The following IMPA1 variants were observed in gnomAD, a reference collection of about 807,000 sequenced individuals.
IMPA1 encodes the protein D-galactose 1-phosphate phosphatase.
IMPA1 carries 21 observed loss-of-function variants against 34.9 expected under a neutral mutation model. The observed-to-expected ratio is 0.60, with a 90% CI of 0.43 to 0.87. IMPA1 has a LOEUF of 0.87. Ranked by LOEUF, IMPA1 falls within the 40% of genes least tolerant of loss-of-function variation. The probability of loss-of-function intolerance (pLI) is 0.00; values close to 1 mark genes in which losing one functional copy is unlikely to be tolerated. For synonymous variants in IMPA1, 95 were observed against 104.4 expected (o/e 0.91, Z 0.55); for missense variants, 299 against 336.4 (o/e 0.89, Z 0.87).
chr8:81,681,435 C>A, intron 2 of IMPA1, 63 bp downstream of exon 2: 1 of 912,844 alleles, frequency 1.1e-6, no homozygotes, highest in Non-Finnish European at 1.8e-6. Context: ...AACAAGGCAA[C>A]AACACAGTAT....
At chr8:81,684,852 T>C (rs1378912102) in intron 1 of IMPA1, among the ~76,000 whole-genome samples, 3 of 138,796 alleles carry the variant, frequency 2.2e-5, no homozygotes, top group Admixed American at 1.5e-4. Flanking sequence ...GTAGTATATA[T>C]ACTATACATA....
At chr8:81,676,190 TGA>T in intron 5 of IMPA1, 42 bp downstream of exon 5, 1 of 855,128 alleles carries the variant, frequency 1.2e-6, no homozygotes. Context: ...TCTCAGAAAA[TGA>T]GAGCAAGGCA....
rs758870458 is a variant in IMPA1, at chr8:81,670,943, G to C, written c.562C>G (p.His188Asp). The change falls in exon 7 of 9, where the codon CAT (histidine) becomes GAT (aspartate). Residue 188 changes from histidine (H) to aspartate (D), a missense_variant. Coordinates refer to ENST00000256108, the MANE Select transcript of IMPA1 (RefSeq NM_005536.4). Reference protein sequence around the residue: ...NMEKLFCIPVHGIRSVGTAAV... With the variant: ...NMEKLFCIPVDGIRSVGTAAV... ...GAATAATGGTAAAGAGCTTACCCAT[G>C]AACAGGAATGCAAAAAAGCTTTTCC... The C allele has an allele frequency of 6.7e-7, 1 of 1,481,506 alleles. No individual in the cohort carries two copies. Among genetic ancestry groups the C allele is most frequent in the South Asian group, 1.3e-5 (1 of 75,474 alleles). 91.8% of individuals were successfully genotyped at this position (1,481,506 alleles called of 1,614,324 possible).
At chr8:81,671,912 A>G (rs1222397400) in intron 6 of IMPA1, among the ~76,000 whole-genome samples, 1 of 152,176 alleles carries the variant, frequency 6.6e-6, no homozygotes, top group Non-Finnish European at 1.5e-5. Context: ...GAAAAAAAAT[A>G]AAAGTTACAT....
At chr8:81,677,952 TATC>T (rs1338837865) in intron 4 of IMPA1, among the ~76,000 whole-genome samples, 2 of 152,190 alleles carry the variant, frequency 1.3e-5, no homozygotes, top group South Asian at 2.1e-4. Context: ...CTTCTAGTAA[TATC>T]ATATACCTAC....
rs1585885001 is a variant in IMPA1 at position 81,657,771 on chromosome 8, C to T, written c.*1580G>A. Among the ~76,000 whole-genome samples, 1 of 152,052 alleles carries T rather than the reference C, an allele frequency of 6.6e-6. No homozygotes were observed. The highest frequency in any genetic ancestry group is 1.9e-4 in the East Asian group (1 of 5,168). ...TTAAAACATTAGTAGGGCATGGTGG[C>T]ATGAACTTATAGTCCCAGCTACTCA... On this transcript the variant is annotated 3_prime_UTR_variant, in exon 9 of 9. Transcript: ENST00000256108.
intron 1 of IMPA1, among the ~76,000 whole-genome samples, chr8:81,682,163 T>G (rs1036136734): frequency 1.3e-5 from 2 of 151,546 alleles, no homozygotes; most frequent in East Asian, 3.9e-4. Context: ...CCAAAAAAAA[T>G]AAGAAAAAAG....
intron 7 of IMPA1, among the ~76,000 whole-genome samples, chr8:81,670,249 CAGTA>C (rs1449457653): frequency 1.3e-5 from 2 of 151,186 alleles, no homozygotes; most frequent in Admixed American, 6.6e-5. Context: ...ATAATGAAAA[CAGTA>C]AGTATCAGTA....
intron 7 of IMPA1, among the ~76,000 whole-genome samples, chr8:81,667,119 G>A (rs1424481227): frequency 6.6e-6 from 1 of 151,800 alleles, no homozygotes; most frequent in Non-Finnish European, 1.5e-5. Context: ...ATAAGACAGG[G>A]CAAATAGACA....
At chr8:81,671,968 A>G (rs1420435327) in intron 6 of IMPA1, among the ~76,000 whole-genome samples, 3 of 152,226 alleles carry the variant, frequency 2.0e-5, no homozygotes. Context: ...AAAGGAAAAG[A>G]GTTGTTTCTA....
At position 81,674,022 on chromosome 8, in the gene IMPA1, G is replaced by C. The variant is rs191162314; in HGVS notation, c.349-73C>G. On this transcript the variant is annotated intron_variant, in intron 5 of 8. Coordinates refer to ENST00000256108, the MANE Select transcript of IMPA1 (RefSeq NM_005536.4). ...CCACTTTTTTCTAAGAAAATAACAAGACAATCTGGTATACTGACTAGTAAC... is the reference window on the plus strand; with the variant it reads ...CCACTTTTTTCTAAGAAAATAACAACACAATCTGGTATACTGACTAGTAAC... The C allele has an allele frequency of 4.8e-5, 43 of 887,220 alleles. No homozygotes were observed. In the East Asian group the frequency reaches 7.7e-4, roughly 16 times the overall value. The allele number at this position is 887,220 out of a possible 1,614,324, so 55.0% of individuals were successfully genotyped here.
At chr8:81,674,199 C>T (rs757460207) in intron 5 of IMPA1, 43 of 371,334 alleles carry the variant, frequency 1.2e-4, no homozygotes, top group Non-Finnish European at 1.7e-4. Flanking sequence ...CCTCCTGCTT[C>T]GGAAGACAGG....
rs375917243 is a variant in IMPA1, at chr8:81,681,601, T to C, written c.-24-17A>G. On this transcript the variant is annotated splice_polypyrimidine_tract_variant and intron_variant, in intron 1 of 8. Transcript: ENST00000256108. The stretch of plus-strand genomic sequence containing the variant: ...GACAAATATCTGTACAAAGTAGTTA[T>C]AACTGTCTTAGAAGTCTTAATTATA... 2.2e-5 allele frequency: 31 copies of C among 1,408,760 alleles called. No individual in the cohort carries two copies. Among genetic ancestry groups the C allele is most frequent in the Non-Finnish European group, 3.0e-5 (30 of 994,242 alleles). 87.3% of individuals were successfully genotyped at this position (1,408,760 alleles called of 1,614,324 possible).
intron 1 of IMPA1, chr8:81,685,875 A>G: frequency 6.5e-7 from 1 of 1,548,792 alleles, no homozygotes; most frequent in Non-Finnish European, 8.7e-7. Context: ...CTGTCCCAGC[A>G]CCGCGACTGC....
At chr8:81,673,620 T>C (rs995049858) in intron 6 of IMPA1, among the ~76,000 whole-genome samples, 2 of 152,230 alleles carry the variant, frequency 1.3e-5, no homozygotes, top group Non-Finnish European at 2.9e-5. Context: ...TCTTCCTATC[T>C]CTATCACAAA....
At chr8:81,669,593 T>C (rs992824043) in intron 7 of IMPA1, among the ~76,000 whole-genome samples, 3 of 152,246 alleles carry the variant, frequency 2.0e-5, no homozygotes, top group Non-Finnish European at 2.9e-5. Flanking sequence ...TGTGTCACTA[T>C]TGTATCTTTG....
chr8:81,679,323 A>C lies in IMPA1; in HGVS notation c.198-93T>G, dbSNP rs1478132931. ...TCCTTAGCTACACAGAGTACTATAA[A>C]ACATAGCAGGCGAGGTGTGGAGGTT... On this transcript the variant is annotated intron_variant, in intron 3 of 8. Coordinates refer to ENST00000256108, the MANE Select transcript of IMPA1 (RefSeq NM_005536.4). 8.0e-6 allele frequency: 7 copies of C among 877,034 alleles called. No individual in the cohort carries two copies. The East Asian group carries it at 1.5e-4, about 19-fold the overall frequency. The allele number at this position is 877,034 out of a possible 1,614,324, so 54.3% of individuals were successfully genotyped here.
At chr8:81,681,727 G>C (rs890443133) in intron 1 of IMPA1, 143 bp from the exon 2 acceptor site, 10 of 559,076 alleles carry the variant, frequency 1.8e-5, no homozygotes, top group African/African-American at 1.7e-4. Flanking sequence ...CCTATACCCA[G>C]TAAAAAACAT....
intron 6 of IMPA1, among the ~76,000 whole-genome samples, chr8:81,672,565 C>T (rs1807016607): frequency 1.3e-5 from 2 of 152,136 alleles, no homozygotes; most frequent in South Asian, 2.1e-4. Flanking sequence ...TCTCATCATC[C>T]CCTCTCCCAG....
Sources: allele counts gnomAD v4.1 joint callset (sites outside exome capture counted in the v4.1 genomes callset), GRCh38; gene constraint gnomAD v4.1.1; transcripts MANE v1.5; gene names NCBI Gene and HGNC (gene_info 2026-07-23, HGNC 2026-07-21).